DNAH9: variants seen among roughly 807,000 people sequenced by gnomAD.
DNAH9 encodes the protein DNAH9 variant protein.
DNAH9 carries 345 observed loss-of-function variants against 471.6 expected under a neutral mutation model. The ratio of observed to expected loss-of-function variants is 0.73; its 90% confidence interval spans 0.67 to 0.80. The LOEUF is 0.80. Ranked by LOEUF, DNAH9 falls within the 30% of genes least tolerant of loss-of-function variation. The pLI, the probability that DNAH9 is intolerant of heterozygous loss-of-function variation, is 0.00. For synonymous variants in DNAH9, 2,093 were observed against 2,123.6 expected (o/e 0.99, Z 0.40); for missense variants, 5,407 against 5,609.2 (o/e 0.96, Z 1.15).
chr17:11,770,357 G>A (rs534026624), intron 38 of DNAH9, among the ~76,000 whole-genome samples: 1 of 152,164 alleles, frequency 6.6e-6, no homozygotes, highest in Non-Finnish European at 1.5e-5. Flanking sequence ...CTGACACTCT[G>A]CTTTCCCCAG....
At chr17:11,886,404 A>G (rs141272421) in intron 56 of DNAH9, among the ~76,000 whole-genome samples, 5 of 152,304 alleles carry the variant, frequency 3.3e-5, no homozygotes, top group Non-Finnish European at 7.3e-5. Flanking sequence ...TTGTGAAATT[A>G]CATATGAACT....
intron 45 of DNAH9, among the ~76,000 whole-genome samples, chr17:11,812,735 T>C (rs1969970941): frequency 6.6e-6 from 1 of 152,206 alleles, no homozygotes; most frequent in African/African-American, 2.4e-5. Flanking sequence ...AGAGTTTGCC[T>C]ACCAACTCTT....
At chr17:11,788,119 C>T (rs1384579191) in intron 41 of DNAH9, among the ~76,000 whole-genome samples, 1 of 152,142 alleles carries the variant, frequency 6.6e-6, no homozygotes, top group African/African-American at 2.4e-5. Context: ...TGTCAACCAC[C>T]CTGACTATTT....
intron 61 of DNAH9, among the ~76,000 whole-genome samples, chr17:11,917,202 G>GGA (rs1487898313): frequency 2.6e-5 from 4 of 152,114 alleles, no homozygotes; most frequent in Non-Finnish European, 5.9e-5. Context: ...CACCCAGGCT[G>GGA]GAGTGCAATG....
At chr17:11,788,335 T>C (rs959181372) in intron 41 of DNAH9, among the ~76,000 whole-genome samples, 1 of 152,180 alleles carries the variant, frequency 6.6e-6, no homozygotes, top group African/African-American at 2.4e-5. Flanking sequence ...TCTTTTTGCT[T>C]TTAATAAACT....
rs948668451 is a variant in DNAH9, at chr17:11,669,710, G to A, written c.3269G>A (p.Arg1090Gln). 5 of 1,614,056 alleles carry A rather than the reference G, an allele frequency of 3.1e-6. No homozygotes were observed. Among genetic ancestry groups the A allele is most frequent in the Non-Finnish European group, 3.4e-6 (4 of 1,179,966 alleles). ...GACGGCTGGATGAAAATTGATATTCGACCCTTTAAGGCATCTCTGCTGAAT... is the reference window on the plus strand; with the variant it reads ...GACGGCTGGATGAAAATTGATATTCAACCCTTTAAGGCATCTCTGCTGAAT... ...VFDGWMKIDI[R>Q]PFKASLLNII... Residue 1090 changes from arginine to glutamine, a missense_variant, in exon 17 of 69, where the codon CGA becomes CAA. Arg to Gln is a conservative substitution (Grantham distance 43, BLOSUM62 1). Around this residue, in one of 3 missense-constraint regions of DNAH9, gnomAD observed 4,636 missense variants for 4,900.3 expected, o/e 0.95. Transcript: ENST00000262442.
At chr17:11,935,867 G>A (rs965083816) in intron 65 of DNAH9, among the ~76,000 whole-genome samples, 2 of 152,120 alleles carry the variant, frequency 1.3e-5, no homozygotes, top group Non-Finnish European at 2.9e-5. Flanking sequence ...CCTATAAGAG[G>A]AGATTTAAAA....
intron 43 of DNAH9, among the ~76,000 whole-genome samples, chr17:11,799,050 C>T (rs2150914802): frequency 6.6e-6 from 1 of 152,292 alleles, no homozygotes; most frequent in Admixed American, 6.5e-5. Flanking sequence ...TTCCTCCTCA[C>T]CCATGTCTCG....
chr17:11,906,601 T>C, intron 61 of DNAH9, among the ~76,000 whole-genome samples: 1 of 142,864 alleles, frequency 7.0e-6, no homozygotes, highest in African/African-American at 2.7e-5. Flanking sequence ...CACTCCAGCC[T>C]GGGTGACAAG....
intron 61 of DNAH9, among the ~76,000 whole-genome samples, chr17:11,917,029 T>A (rs1300893538): frequency 2.0e-5 from 3 of 151,686 alleles, no homozygotes; most frequent in Non-Finnish European, 2.9e-5. Context: ...TCAACAATTG[T>A]GAAGGAGGAG....
intron 43 of DNAH9, among the ~76,000 whole-genome samples, chr17:11,807,461 T>A (rs1969731647): frequency 6.6e-6 from 1 of 152,124 alleles, no homozygotes; most frequent in Non-Finnish European, 1.5e-5. Context: ...ATCGCATCAC[T>A]CATCCCCTGC....
intron 1 of DNAH9, among the ~76,000 whole-genome samples, chr17:11,607,798 G>A (rs777288074): frequency 1.3e-5 from 2 of 152,150 alleles, no homozygotes; most frequent in African/African-American, 2.4e-5. Context: ...TCGAACTCCC[G>A]ACCTCAGGTG....
chr17:11,762,556 G>C (rs1967723804), intron 35 of DNAH9, among the ~76,000 whole-genome samples: 1 of 152,118 alleles, frequency 6.6e-6, no homozygotes, highest in African/African-American at 2.4e-5. Flanking sequence ...CAGAGTTACA[G>C]AGGTGTATTT....
At chr17:11,813,085 C>T (rs1382598957) in intron 45 of DNAH9, among the ~76,000 whole-genome samples, 1 of 152,098 alleles carries the variant, frequency 6.6e-6, no homozygotes, top group Non-Finnish European at 1.5e-5. Context: ...AAATTTTATT[C>T]CTCAATTAAG....
At chr17:11,675,060 T>C (rs1269317675) in intron 17 of DNAH9, among the ~76,000 whole-genome samples, 2 of 152,156 alleles carry the variant, frequency 1.3e-5, no homozygotes, top group East Asian at 3.8e-4. Context: ...TCAATTTGAG[T>C]AGAATTGATG....
At chr17:11,924,543 T>C (rs1343276669) in intron 62 of DNAH9, among the ~76,000 whole-genome samples, 1 of 152,006 alleles carries the variant, frequency 6.6e-6, no homozygotes, top group East Asian at 1.9e-4. Flanking sequence ...CCCTATTAAA[T>C]TTTATTTAAC....
In DNAH9 at chr17:11,891,878, G is replaced by T. The variant is rs779701419; in HGVS notation, c.11214G>T (p.Val3738=). The T allele has an allele frequency of 1.4e-5, 22 of 1,614,136 alleles. No homozygotes were observed. The South Asian group carries it at 2.4e-4, about 18-fold the overall frequency. The change falls in exon 58 of 69, where the codon GTG becomes GTT. Residue 3738 remains valine, a synonymous_variant. Transcript: ENST00000262442. The stretch of plus-strand genomic sequence containing the variant: ...TAATAGACAGCATAACCTTCTCTGT[G>T]TACCAGTACACCATCCGCGGGCTCT... ...ANLIDSITFS[V]YQYTIRGLFE...
At chr17:11,737,153 C>T (rs1042457690) in intron 28 of DNAH9, among the ~76,000 whole-genome samples, 5 of 152,200 alleles carry the variant, frequency 3.3e-5, no homozygotes, top group African/African-American at 9.6e-5. Flanking sequence ...ATATTCTGCA[C>T]GTAGAAAAGA....
chr17:11,757,934 G>A (rs892365861), intron 35 of DNAH9, among the ~76,000 whole-genome samples: 1 of 152,198 alleles, frequency 6.6e-6, no homozygotes, highest in Non-Finnish European at 1.5e-5. Context: ...CCTTTCGTGA[G>A]TGCCACGTGG....
Sources: gnomAD v4.1 joint callset for allele counts (sites outside exome capture counted in the v4.1 genomes callset) on GRCh38, gnomAD v4.1.1 for gene constraint, gnomAD v4.1.1 regional missense constraint, MANE v1.5 for transcripts, NCBI Gene and HGNC (gene_info 2026-07-23, HGNC 2026-07-21) for gene names.